The following SGCZ variants were observed in gnomAD, a reference collection of about 807,000 sequenced individuals.
SGCZ encodes zeta-sarcoglycan.
In SGCZ, 40 loss-of-function variants were observed where a neutral mutation model predicts 41.3. That is an observed-to-expected ratio of 0.97 (90% CI 0.75 to 1.26). The LOEUF (loss-of-function observed/expected upper bound fraction) is 1.26, where lower values mean the gene tolerates loss of function less well. Among genes scored for constraint, SGCZ ranks in the 50% most tolerant of loss-of-function variants. The probability of loss-of-function intolerance (pLI) is 0.00; values close to 1 mark genes in which losing one functional copy is unlikely to be tolerated. For missense variants in SGCZ, 552 were observed against 369.8 expected (o/e 1.49, Z -4.04); for synonymous variants, 206 against 137.5 (o/e 1.50, Z -3.49).
At chr8:14,847,394 A>C (rs565657939) in intron 1 of SGCZ, among the ~76,000 whole-genome samples, 4 of 152,230 alleles carry the variant, frequency 2.6e-5, no homozygotes, top group South Asian at 4.1e-4. Context: ...AATTCAGTCC[A>C]TCAAACAAGA....
intron 1 of SGCZ, among the ~76,000 whole-genome samples, chr8:15,013,561 A>G (rs1035751358): frequency 6.6e-6 from 1 of 151,984 alleles, no homozygotes; most frequent in Non-Finnish European, 1.5e-5. Flanking sequence ...CCTCCTCTAT[A>G]GGTATCTAAA....
intron 2 of SGCZ, among the ~76,000 whole-genome samples, chr8:14,497,438 G>A: frequency 6.6e-6 from 1 of 152,246 alleles, no homozygotes; most frequent in East Asian, 1.9e-4. Context: ...AATCAAGCTT[G>A]TTTGACTCAC....
chr8:14,140,925 T>C (rs56771651), intron 5 of SGCZ, among the ~76,000 whole-genome samples: 6,304 of 152,204 alleles, frequency 0.041, 419 homozygotes, highest in African/African-American at 0.14. Context: ...CAAACTATAC[T>C]ACAAGCCTAC....
intron 2 of SGCZ, among the ~76,000 whole-genome samples, chr8:14,460,904 T>C (rs1449737847): frequency 6.6e-6 from 1 of 152,214 alleles, no homozygotes. Flanking sequence ...TACTTTCATT[T>C]GGCCCATATT....
intron 1 of SGCZ, among the ~76,000 whole-genome samples, chr8:14,648,186 T>A (rs1807286236): frequency 6.6e-6 from 1 of 152,094 alleles, no homozygotes; most frequent in Admixed American, 6.6e-5. Context: ...TAAAAAATCA[T>A]AATAATTCAA....
At chr8:14,755,670 C>G (rs1196164763) in intron 1 of SGCZ, among the ~76,000 whole-genome samples, 1 of 152,028 alleles carries the variant, frequency 6.6e-6, no homozygotes, top group African/African-American at 2.4e-5. Context: ...TATACATATA[C>G]ACTTCTATGG....
At chr8:14,974,985 A>C (rs1270644006) in intron 1 of SGCZ, among the ~76,000 whole-genome samples, 1 of 152,148 alleles carries the variant, frequency 6.6e-6, no homozygotes, top group Non-Finnish European at 1.5e-5. Flanking sequence ...TCTCTCTGCT[A>C]TGTCTCCAAG....
intron 4 of SGCZ, among the ~76,000 whole-genome samples, chr8:14,212,571 C>G (rs984544239): frequency 1.3e-5 from 2 of 150,330 alleles, no homozygotes; most frequent in Non-Finnish European, 3.0e-5. Context: ...TAAACCTAAA[C>G]CAGGTGGCGT....
At chr8:14,192,480 T>C (rs1394681130) in intron 4 of SGCZ, among the ~76,000 whole-genome samples, 1 of 151,926 alleles carries the variant, frequency 6.6e-6, no homozygotes, top group Non-Finnish European at 1.5e-5. Flanking sequence ...CTGAAAGTCT[T>C]TGTTATCTCC....
intron 2 of SGCZ, among the ~76,000 whole-genome samples, chr8:14,439,369 A>C (rs1800182706): frequency 6.7e-6 from 1 of 150,246 alleles, no homozygotes; most frequent in Non-Finnish European, 1.5e-5. Flanking sequence ...TCAAACATTA[A>C]AACAATTAAC....
chr8:14,244,316 T>G (rs1374145665), intron 3 of SGCZ, among the ~76,000 whole-genome samples: 1 of 152,012 alleles, frequency 6.6e-6, no homozygotes, highest in Non-Finnish European at 1.5e-5. Context: ...TTGGTAAAAA[T>G]TCATTTCCGT....
chr8:14,106,750 G>C (rs531565293), intron 6 of SGCZ, among the ~76,000 whole-genome samples: 1 of 152,142 alleles, frequency 6.6e-6, no homozygotes, highest in South Asian at 2.1e-4. Flanking sequence ...GTGTCTCTCA[G>C]GTTGATACTA....
At chr8:15,046,588 T>C (rs554486049) in intron 1 of SGCZ, among the ~76,000 whole-genome samples, 1 of 152,104 alleles carries the variant, frequency 6.6e-6, no homozygotes, top group East Asian at 1.9e-4. Context: ...TCTAGACTTA[T>C]CTTGTTTCCC....
intron 2 of SGCZ, among the ~76,000 whole-genome samples, chr8:14,416,861 A>C (rs780695631): frequency 4.6e-5 from 7 of 151,904 alleles, no homozygotes; most frequent in Non-Finnish European, 1.0e-4. Flanking sequence ...TAATGAGTAT[A>C]AAAGTGCTTA....
At chr8:14,630,006 G>A (rs1374205387) in intron 1 of SGCZ, among the ~76,000 whole-genome samples, 1 of 151,968 alleles carries the variant, frequency 6.6e-6, no homozygotes, top group Non-Finnish European at 1.5e-5. Flanking sequence ...TGTGTGCTAG[G>A]TCAAATACTT....
chr8:14,643,965 ACTT>A (rs2117436477), intron 1 of SGCZ, among the ~76,000 whole-genome samples: 1 of 144,154 alleles, frequency 6.9e-6, no homozygotes, highest in South Asian at 2.1e-4. Flanking sequence ...AAAGACCAAT[ACTT>A]GTACAATTCT....
intron 1 of SGCZ, among the ~76,000 whole-genome samples, chr8:14,691,144 G>A (rs1400563596): frequency 6.6e-6 from 1 of 152,068 alleles, no homozygotes; most frequent in Admixed American, 6.6e-5. Flanking sequence ...CTACATAACA[G>A]GATGTCTTTT....
chr8:15,166,195 G>C (rs1799659042), intron 1 of SGCZ, among the ~76,000 whole-genome samples: 1 of 149,770 alleles, frequency 6.7e-6, no homozygotes, highest in South Asian at 2.1e-4. Flanking sequence ...TATTTGACAT[G>C]TTCAGGTACA....
At chr8:14,905,578 G>C (rs938159199) in intron 1 of SGCZ, among the ~76,000 whole-genome samples, 1 of 151,956 alleles carries the variant, frequency 6.6e-6, no homozygotes, top group Non-Finnish European at 1.5e-5. Flanking sequence ...AAGTGCACCA[G>C]AGAAAAATCT....
Sources: allele counts gnomAD v4.1 joint callset (sites outside exome capture counted in the v4.1 genomes callset), GRCh38; gene constraint gnomAD v4.1.1; transcripts MANE v1.5; gene names NCBI Gene and HGNC (gene_info 2026-07-23, HGNC 2026-07-21).